GLB1L2: variants seen among roughly 807,000 people sequenced by gnomAD.
GLB1L2 encodes beta-galactosidase-1-like protein 2.
In GLB1L2, 68 loss-of-function variants were observed where a neutral mutation model predicts 84.1. The observed-to-expected ratio is 0.81, with a 90% CI of 0.67 to 0.99. The LOEUF is 0.99. Among genes scored for constraint, GLB1L2 ranks in the 50% least tolerant of loss-of-function variants. The pLI is 0.00. For synonymous variants in GLB1L2, 290 were observed against 318.0 expected (o/e 0.91, Z 0.94); for missense variants, 762 against 805.6 (o/e 0.95, Z 0.66).
intron 1 of GLB1L2, among the ~76,000 whole-genome samples, chr11:134,333,479 A>C (rs1424663653): frequency 6.6e-6 from 1 of 152,208 alleles, no homozygotes; most frequent in Non-Finnish European, 1.5e-5. Context: ...AGCTGCCAAG[A>C]GAAAGGCTAG....
intron 7 of GLB1L2, among the ~76,000 whole-genome samples, chr11:134,363,215 G>A (rs1476755490): frequency 6.6e-6 from 1 of 152,184 alleles, no homozygotes; most frequent in Non-Finnish European, 1.5e-5. Context: ...CTATGGTATG[G>A]TGTCAGGGAG....
intron 6 of GLB1L2, among the ~76,000 whole-genome samples, chr11:134,358,450 T>C (rs1396902459): frequency 2.6e-5 from 4 of 152,256 alleles, no homozygotes; most frequent in African/African-American, 9.6e-5. Context: ...TGAGTGGTGA[T>C]TGTCGTCACT....
At position 134,375,074 on chromosome 11, in the gene GLB1L2, C is replaced by A; in HGVS notation, c.*16C>A. The stretch of plus-strand genomic sequence containing the variant: ...CATTAAGTGAGCGGTGGCACCCCCT[C>A]CTGCTGGTGCCAGTGGGAGACTGCC... On this transcript the variant is annotated 3_prime_UTR_variant, in exon 19 of 19. Transcript: ENST00000535456. 1 of 1,605,246 alleles carries A rather than the reference C, an allele frequency of 6.2e-7. No homozygotes were observed. The highest frequency in any genetic ancestry group is 8.5e-7 in the Non-Finnish European group (1 of 1,173,592).
At chr11:134,357,532 C>T (rs937971072) in intron 6 of GLB1L2, among the ~76,000 whole-genome samples, 1 of 152,238 alleles carries the variant, frequency 6.6e-6, no homozygotes, top group South Asian at 2.1e-4. Flanking sequence ...TCCTGCGATA[C>T]CCCATTCCCG....
At chr11:134,349,137 C>T (rs80131016) in intron 5 of GLB1L2, among the ~76,000 whole-genome samples, 6,975 of 152,278 alleles carry the variant, frequency 0.046, 497 homozygotes, top group East Asian at 0.32. Context: ...CTCCTGACAG[C>T]CATTCTACTC....
At chr11:134,354,494 T>G (rs1403078804) in intron 5 of GLB1L2, among the ~76,000 whole-genome samples, 3 of 152,120 alleles carry the variant, frequency 2.0e-5, no homozygotes, top group African/African-American at 7.2e-5. Context: ...TTCATATAGC[T>G]TCAAATTACT....
At chr11:134,367,406 C>T (rs748188714) in intron 9 of GLB1L2, 65 bp downstream of exon 9, 91 of 1,343,386 alleles carry the variant, frequency 6.8e-5, no homozygotes, top group Non-Finnish European at 9.0e-5. Context: ...GAGTTTCAGT[C>T]ACCTGCTAAC....
At position 134,338,445 on chromosome 11, in the gene GLB1L2, C is replaced by T. The variant is rs1159182791; in HGVS notation, c.87-4309C>T. 1.3e-5 allele frequency among the ~76,000 whole-genome samples: 2 copies of T among 152,172 alleles called. No homozygotes were observed. Among genetic ancestry groups the T allele is most frequent in the Admixed American group, 6.5e-5 (1 of 15,274 alleles). On this transcript the variant is annotated intron_variant, in intron 1 of 18. Transcript: ENST00000535456. The surrounding 1 kb of genome is among the most constrained non-coding windows in gnomAD (Gnocchi z 6.2). ...GAAACTTGACAGCCAGTCCCATTCC[C>T]AGAAAGAGGTGGTGACCTTGCCACC...
chr11:134,342,957 T>C lies in GLB1L2; in HGVS notation c.284+6T>C. ...GGCTTGAACACCCTCACCACGTAGG[T>C]GCTGCCCCTGTCCCCCCGGAGCCTG... On this transcript the variant is annotated splice_donor_region_variant and intron_variant, in intron 2 of 18. Coordinates refer to ENST00000535456, the MANE Select transcript of GLB1L2 (RefSeq NM_001370461.1). The C allele has an allele frequency of 6.2e-7, 1 of 1,604,734 alleles. No homozygotes were observed. Among genetic ancestry groups the C allele is most frequent in the Non-Finnish European group, 8.5e-7 (1 of 1,173,978 alleles).
intron 1 of GLB1L2, among the ~76,000 whole-genome samples, chr11:134,332,851 C>T (rs539767942): frequency 6.6e-6 from 1 of 152,296 alleles, no homozygotes; most frequent in Admixed American, 6.5e-5. Context: ...TTCTGGGTGC[C>T]CTAGCCCAGC....
At position 134,334,356 on chromosome 11, in the gene GLB1L2, C is replaced by T. The variant is rs1276433304; in HGVS notation, c.86+2209C>T. ...CTTTTCTTTTTTTTCATCAACTTTTCCTTGGGCTGGTTCACGGTCAGTCAT... is the reference window on the plus strand; with the variant it reads ...CTTTTCTTTTTTTTCATCAACTTTTTCTTGGGCTGGTTCACGGTCAGTCAT... On this transcript the variant is annotated intron_variant, in intron 1 of 18. Transcript: ENST00000535456. The surrounding 1 kb of genome is among the most constrained non-coding windows in gnomAD (Gnocchi z 4.1). Among the ~76,000 whole-genome samples the T allele has an allele frequency of 6.6e-6, 1 of 152,044 alleles. No individual in the cohort carries two copies. Among genetic ancestry groups the T allele is most frequent in the East Asian group, 1.9e-4 (1 of 5,188 alleles).
chr11:134,370,371 T>G lies in GLB1L2; in HGVS notation c.1187T>G (p.Leu396Arg), dbSNP rs1484533769. Residue 396 changes from leucine (L) to arginine (R), a missense_variant, in exon 12 of 19, where the codon CTG (leucine) becomes CGG (arginine). Physicochemically the swap from Leu to Arg is moderately radical, Grantham distance 102. Around this residue, in one of 3 missense-constraint regions of GLB1L2, gnomAD observed 603 missense variants for 611.7 expected, o/e 0.99. Coordinates refer to ENST00000535456, the MANE Select transcript of GLB1L2 (RefSeq NM_001370461.1). The surrounding 1 kb of genome is among the most constrained non-coding windows in gnomAD (Gnocchi z 4.7). ...EPLTPVLYLS[L>R]WDALKYLGEP... is the part of the protein sequence containing the mutation. ...TTAACGCCAGTCTTGTACCTGTCTC[T>G]GTGGGACGCCCTCAAGTACCTGGGG... The G allele has an allele frequency of 6.2e-7, 1 of 1,613,580 alleles. No individual in the cohort carries two copies.
At chr11:134,367,848 A>T (rs1943885700) in intron 9 of GLB1L2, among the ~76,000 whole-genome samples, 1 of 152,206 alleles carries the variant, frequency 6.6e-6, no homozygotes, top group Non-Finnish European at 1.5e-5. Context: ...ATTCTAAACC[A>T]CACTTTGTGG....
intron 5 of GLB1L2, among the ~76,000 whole-genome samples, chr11:134,347,921 T>C (rs1565436125): frequency 6.6e-6 from 1 of 152,196 alleles, no homozygotes; most frequent in African/African-American, 2.4e-5. Flanking sequence ...CTTTACGAGA[T>C]ACTTCCCTCT....
chr11:134,368,537 C>A, intron 9 of GLB1L2, 107 bp from the exon 10 acceptor site: 1 of 1,172,284 alleles, frequency 8.5e-7, no homozygotes, highest in Non-Finnish European at 1.2e-6. Flanking sequence ...CAAAGTTGGC[C>A]TTGAGGTTTT....
At chr11:134,353,762 C>A (rs1049072167) in intron 5 of GLB1L2, among the ~76,000 whole-genome samples, 1 of 151,910 alleles carries the variant, frequency 6.6e-6, no homozygotes, top group Non-Finnish European at 1.5e-5. Context: ...GTGAATTGAC[C>A]CTTTTATCAT....
At chr11:134,342,434 C>T (rs1943479121) in intron 1 of GLB1L2, among the ~76,000 whole-genome samples, 1 of 151,832 alleles carries the variant, frequency 6.6e-6, no homozygotes, top group African/African-American at 2.4e-5. Flanking sequence ...GTGCGGCGCC[C>T]GCCCCGCCCC....
chr11:134,370,587 C>T lies in GLB1L2; in HGVS notation c.1215+188C>T, dbSNP rs1281165336. Among the ~76,000 whole-genome samples, 4 of 152,006 alleles carry T rather than the reference C, an allele frequency of 2.6e-5. No homozygotes were observed. Among genetic ancestry groups the T allele is most frequent in the East Asian group, 1.9e-4 (1 of 5,146 alleles). Reference sequence around the variant, plus strand: ...CCTGGTGGCTCTGGGGTCTGCTCTCCGGCCTTGGAGCTCAGAGGGAAGAGG... The same window carrying T: ...CCTGGTGGCTCTGGGGTCTGCTCTCTGGCCTTGGAGCTCAGAGGGAAGAGG... On this transcript the variant is annotated intron_variant, in intron 12 of 18. Transcript: ENST00000535456. The surrounding 1 kb of genome is among the most constrained non-coding windows in gnomAD (Gnocchi z 4.7).
intron 5 of GLB1L2, among the ~76,000 whole-genome samples, chr11:134,349,042 G>A (rs1943589664): frequency 1.3e-5 from 2 of 152,178 alleles, no homozygotes; most frequent in Admixed American, 1.3e-4. Context: ...ACAGTCTATT[G>A]CAACCACTGT....
Sources: allele counts gnomAD v4.1 joint callset (sites outside exome capture counted in the v4.1 genomes callset), GRCh38; gene constraint gnomAD v4.1.1; regional missense constraint gnomAD v4.1.1; non-coding constraint Gnocchi (gnomAD v3.1); transcripts MANE v1.5; gene names NCBI Gene and HGNC (gene_info 2026-07-23, HGNC 2026-07-21).